Variants in PIWIL1 observed in about 807,000 individuals in gnomAD.
The protein encoded by PIWIL1 is piwi-like protein 1.
In PIWIL1, 73 loss-of-function variants were observed where a neutral mutation model predicts 114.4. That is an observed-to-expected ratio of 0.64 (90% confidence interval 0.53 to 0.78). The LOEUF is 0.78. PIWIL1 is among the 30% of genes least tolerant of loss of function. PIWIL1 has a pLI of 0.00. For synonymous variants in PIWIL1, 375 were observed against 369.0 expected (o/e 1.02, Z -0.19); for missense variants, 723 against 1,063.1 (o/e 0.68, Z 4.45).
chr12:130,354,122 A>T (rs748261074), intron 9 of PIWIL1, among the ~76,000 whole-genome samples: 16 of 152,158 alleles, frequency 1.1e-4, no homozygotes, highest in Non-Finnish European at 1.8e-4. Flanking sequence ...TCCCCTCTGT[A>T]TTCTCACGGT....
chr12:130,414,422 T>G, the PIWIL1 span: 1 of 1,021,926 alleles, frequency 9.8e-7, no homozygotes, highest in Non-Finnish European at 1.4e-6. Flanking sequence ...ACTTTTGTCT[T>G]TTTTGTGTCT....
chr12:130,338,289 C>CT (rs2072772232), intron 1 of PIWIL1, 143 bp downstream of exon 1: 1 of 262,664 alleles, frequency 3.8e-6, no homozygotes, highest in Non-Finnish European at 7.1e-6. Context: ...ATGCAGGAGC[C>CT]GGGTGCGGGG....
At chr12:130,412,999 A>G in the PIWIL1 span, among the ~76,000 whole-genome samples, 1 of 152,086 alleles carries the variant, frequency 6.6e-6, no homozygotes, top group East Asian at 1.9e-4. Context: ...CCAGTTTTTC[A>G]TCTAGTGTTT....
chr12:130,424,658 C>T, the PIWIL1 span: 15 of 1,231,922 alleles, frequency 1.2e-5, no homozygotes, highest in East Asian at 2.8e-4. This position sits in a 1 kb window ranked among gnomAD's most constrained non-coding sequence, Gnocchi z 9.8. Flanking sequence ...CCCTGTAGGG[C>T]CTGCCGGGCC....
chr12:130,382,716 C>G, the PIWIL1 span, among the ~76,000 whole-genome samples: 21 of 152,150 alleles, frequency 1.4e-4, no homozygotes, highest in African/African-American at 5.1e-4. Context: ...CAATGTCTTC[C>G]TCTTCTCTCC....
At chr12:130,424,092 G>A in the PIWIL1 span, 3 of 983,116 alleles carry the variant, frequency 3.1e-6, no homozygotes, top group Middle Eastern at 3.7e-4. This position sits in a 1 kb window ranked among gnomAD's most constrained non-coding sequence, Gnocchi z 9.8. Flanking sequence ...GAAAGGATGG[G>A]ACAGATTGGT....
intron 1 of PIWIL1, among the ~76,000 whole-genome samples, chr12:130,340,259 G>A (rs572443629): frequency 6.8e-4 from 103 of 152,190 alleles, no homozygotes; most frequent in African/African-American, 2.3e-3. Context: ...GTGATAGGAA[G>A]CAAGTTGTGT....
rs566410048 is a variant in PIWIL1 at position 130,371,667 on chromosome 12, CT to C, written c.*78del. 8.6e-4 allele frequency: 844 copies of C among 976,174 alleles called. No individual in the cohort carries two copies. Among genetic ancestry groups the C allele is most frequent in the Non-Finnish European group, 1.0e-3 (656 of 640,848 alleles). The allele number at this position is 976,174 out of a possible 1,614,324, so 60.5% of individuals were successfully genotyped here. A position where few individuals can be genotyped will look rare whatever the true frequency, so the allele number is the denominator to read the frequency against. ...TGGGATTTTTTTAAGCTTTTATTTA[CT>C]TTTTTTTTAACTGTTATCTTTCTGG... On this transcript the variant is annotated 3_prime_UTR_variant, in exon 21 of 21. Transcript: ENST00000245255.
chr12:130,346,421 C>A lies in PIWIL1; in HGVS notation c.368C>A (p.Ser123Tyr). ...RLSTNHFRLTSRPQWALYQYH... is the reference protein window; with the variant it reads ...RLSTNHFRLTYRPQWALYQYH... The stretch of plus-strand genomic sequence containing the variant: ...AGCACTAACCATTTCCGGCTGACAT[C>A]CCGTCCCCAGTGGGCCTTATATCAG... Residue 123 changes from serine to tyrosine, a missense_variant, in exon 5 of 21, where the codon TCC becomes TAC. Physicochemically the swap from Ser to Tyr is moderately radical, Grantham distance 144. Around this residue, in one of 8 missense-constraint regions of PIWIL1, gnomAD observed 190 missense variants for 294.4 expected, o/e 0.65. Transcript: ENST00000245255. The A allele has an allele frequency of 1.2e-6, 2 of 1,614,144 alleles. No homozygotes were observed. The highest frequency in any genetic ancestry group is 1.7e-6 in the Non-Finnish European group (2 of 1,179,982).
chr12:130,356,363 T>C (rs1196837445), intron 12 of PIWIL1, among the ~76,000 whole-genome samples: 1 of 151,904 alleles, frequency 6.6e-6, no homozygotes, highest in African/African-American at 2.4e-5. Flanking sequence ...TGTAATTTAA[T>C]ATTCTGGTTG....
Position 130,355,578 on chromosome 12 carries a change from C to T in PIWIL1, c.1315C>T (p.Arg439Ter), listed in dbSNP as rs758030692. 7 of 1,613,804 alleles carry T rather than the reference C, an allele frequency of 4.3e-6. No individual in the cohort carries two copies. The highest frequency in any genetic ancestry group is 2.2e-5 in the East Asian group (1 of 44,870). ...AAACGATAATGTTCAAAGGGAGCTT[C>T]GAGACTGGGGTTTGAGCTTTGATTC... ...HKNDNVQRELRDWGLSFDSNL... is the reference protein window; with the variant it reads ...HKNDNVQREL The change falls in exon 12 of 21, where the codon CGA becomes TGA. Residue 439 changes from arginine (R) to a stop codon, truncating the protein, a stop_gained. Transcript: ENST00000245255. LOFTEE classifies it high-confidence loss of function.
chr12:130,351,305 T>C (rs535605886), intron 9 of PIWIL1: 1 of 152,366 alleles, frequency 6.6e-6, no homozygotes, highest in East Asian at 1.9e-4. Flanking sequence ...AGTGGTGTTT[T>C]ACGTGTTATC....
the PIWIL1 span, among the ~76,000 whole-genome samples, chr12:130,380,327 T>G: frequency 6.6e-6 from 1 of 152,198 alleles, no homozygotes; most frequent in African/African-American, 2.4e-5. Flanking sequence ...TCTAGCAACC[T>G]CTCCCCCCAC....
the PIWIL1 span, chr12:130,424,808 C>T: frequency 5.7e-6 from 7 of 1,232,622 alleles, no homozygotes; most frequent in Middle Eastern, 3.1e-4. This position sits in a 1 kb window ranked among gnomAD's most constrained non-coding sequence, Gnocchi z 9.8. Flanking sequence ...GGTGGGGAAA[C>T]TCGGGCTGCT....
chr12:130,401,898 C>T, the PIWIL1 span, among the ~76,000 whole-genome samples: 4 of 152,182 alleles, frequency 2.6e-5, no homozygotes, highest in East Asian at 7.8e-4. Flanking sequence ...CAATGTTATG[C>T]ACACATCTCC....
In PIWIL1 at chr12:130,349,945, G is replaced by A. The variant is rs148826391; in HGVS notation, c.1022G>A (p.Ser341Asn). The change falls in exon 9 of 21, where the codon AGC becomes AAC. Residue 341 changes from serine (S) to asparagine (N), a missense_variant. Transcript: ENST00000245255. Reference sequence around the variant, plus strand: ...AAGAAAGCCGACGGCTCTGAAGTCAGCTTCTTAGAATACTACAGGAAGGTA... The same window carrying A: ...AAGAAAGCCGACGGCTCTGAAGTCAACTTCTTAGAATACTACAGGAAGGTA... ...TFKKADGSEV[S>N]FLEYYRKQYN... 1 of 1,610,182 alleles carries A rather than the reference G, an allele frequency of 6.2e-7. No individual in the cohort carries two copies. The highest frequency in any genetic ancestry group is 8.5e-7 in the Non-Finnish European group (1 of 1,176,990).
At chr12:130,341,581 T>G (rs201193691) in intron 1 of PIWIL1, among the ~76,000 whole-genome samples, 3 of 152,392 alleles carry the variant, frequency 2.0e-5, no homozygotes, top group East Asian at 3.9e-4. Context: ...ACCTGCCCTT[T>G]CCATTAGGGC....
chr12:130,391,771 A>G, the PIWIL1 span, among the ~76,000 whole-genome samples: 1 of 140,964 alleles, frequency 7.1e-6, no homozygotes, highest in African/African-American at 2.7e-5. Flanking sequence ...AGGGGTGAGG[A>G]TGCAGACAGG....
intron 18 of PIWIL1, among the ~76,000 whole-genome samples, chr12:130,366,124 C>T (rs1223771471): frequency 6.6e-6 from 1 of 152,176 alleles, no homozygotes; most frequent in Non-Finnish European, 1.5e-5. Flanking sequence ...TATCTGTCCT[C>T]TTAAGGAACT....
Sources: allele counts gnomAD v4.1 joint callset (sites outside exome capture counted in the v4.1 genomes callset), GRCh38; gene constraint gnomAD v4.1.1; regional missense constraint gnomAD v4.1.1; non-coding constraint Gnocchi (gnomAD v3.1); transcripts MANE v1.5; gene names NCBI Gene and HGNC (gene_info 2026-07-23, HGNC 2026-07-21).